Variants in NEK1 observed in about 807,000 individuals in gnomAD.
NEK1 encodes NIMA related kinase 1.
Under a neutral mutation model 182.1 loss-of-function variants are expected in NEK1, and 137 were observed. The observed-to-expected ratio is 0.75, with a 90% CI of 0.65 to 0.87. The LOEUF (loss-of-function observed/expected upper bound fraction) is 0.87, where lower values mean the gene tolerates loss of function less well. Among genes scored for constraint, NEK1 ranks in the 40% least tolerant of loss-of-function variants. NEK1 has a pLI of 0.00. For synonymous variants in NEK1, 513 were observed against 492.2 expected (o/e 1.04, Z -0.56); for missense variants, 1,391 against 1,494.4 (o/e 0.93, Z 1.14).
chr4:169,568,001 C>T (rs1171270284), intron 12 of NEK1, among the ~76,000 whole-genome samples: 2 of 152,144 alleles, frequency 1.3e-5, no homozygotes, highest in African/African-American at 4.8e-5. Flanking sequence ...TTACTTGATT[C>T]TGTCAGCCAT....
intron 31 of NEK1, among the ~76,000 whole-genome samples, chr4:169,418,475 T>C (rs947566629): frequency 1.3e-5 from 2 of 152,006 alleles, no homozygotes; most frequent in Non-Finnish European, 2.9e-5. Context: ...ACAGAGATGA[T>C]GGAACTCGCA....
At chr4:169,522,105 G>A (rs1379153553) in intron 19 of NEK1, among the ~76,000 whole-genome samples, 1 of 152,120 alleles carries the variant, frequency 6.6e-6, no homozygotes, top group African/African-American at 2.4e-5. Flanking sequence ...GAACTGGTAT[G>A]TCTTCAAGTT....
intron 19 of NEK1, among the ~76,000 whole-genome samples, chr4:169,524,461 C>CAAAAAAAAAAAAAA (rs953408098): frequency 2.0e-5 from 1 of 50,598 alleles, no homozygotes; most frequent in Non-Finnish European, 5.0e-5. Context: ...AATTCCATCT[C>CAAAAAAAAAAAAAA]AAAAAAAAAA....
At chr4:169,561,375 G>C in intron 16 of NEK1, 105 bp downstream of exon 16, 1 of 938,694 alleles carries the variant, frequency 1.1e-6, no homozygotes, top group Non-Finnish European at 1.7e-6. Flanking sequence ...AAAATTAATT[G>C]TACACTAAAG....
intron 23 of NEK1, among the ~76,000 whole-genome samples, chr4:169,487,189 A>G (rs145031514): frequency 3.9e-5 from 6 of 152,240 alleles, no homozygotes; most frequent in African/African-American, 9.6e-5. Flanking sequence ...TCCAGGGTAC[A>G]TGTGCAGAAT....
At chr4:169,484,017 T>A (rs898247797) in intron 23 of NEK1, among the ~76,000 whole-genome samples, 11 of 152,204 alleles carry the variant, frequency 7.2e-5, no homozygotes, top group African/African-American at 2.7e-4. Flanking sequence ...TAAGGTTTCA[T>A]ACACTGAGAG....
intron 12 of NEK1, among the ~76,000 whole-genome samples, chr4:169,570,260 C>T (rs1442026755): frequency 5.3e-5 from 8 of 151,950 alleles, no homozygotes; most frequent in Admixed American, 2.6e-4. Flanking sequence ...GCCTGGCAAC[C>T]GCCCCATCTG....
intron 12 of NEK1, among the ~76,000 whole-genome samples, chr4:169,569,477 T>TCCCTCTCTCCCTCTCC (rs1764288376): frequency 2.1e-5 from 2 of 94,002 alleles, no homozygotes; most frequent in African/African-American, 4.2e-5. Flanking sequence ...CCTCCCTCTC[T>TCCCTCTCTCCCTCTCC]CCCTCTCTCC....
intron 12 of NEK1, among the ~76,000 whole-genome samples, chr4:169,574,611 G>GAA (rs1235699069): frequency 4.3e-5 from 3 of 69,138 alleles, no homozygotes; most frequent in Non-Finnish European, 6.4e-5. Context: ...CACCTCAAAA[G>GAA]AAAAAAAAAA....
Position 169,426,066 on chromosome 4 carries a change from A to G in NEK1, c.2974+80T>C, listed in dbSNP as rs1736332354. 3.8e-5 allele frequency: 39 copies of G among 1,013,460 alleles called. No homozygotes were observed. In the South Asian group the frequency reaches 4.7e-4, roughly 12 times the overall value. The allele number at this position is 1,013,460 out of a possible 1,614,324, so 62.8% of individuals were successfully genotyped here. On this transcript the variant is annotated intron_variant, in intron 30 of 35. Coordinates refer to ENST00000507142, the MANE Select transcript of NEK1 (RefSeq NM_001199397.3). The stretch of plus-strand genomic sequence containing the variant: ...ATAAGGAATGCTTTCTTATTTATAT[A>G]TTACCCAAATAAAACAGGTTGATGT...
chr4:169,395,052 T>A (rs1730459246), intron 35 of NEK1, among the ~76,000 whole-genome samples: 1 of 152,214 alleles, frequency 6.6e-6, no homozygotes, highest in Non-Finnish European at 1.5e-5. Context: ...GTATTCTGTT[T>A]AATGGATATG....
At chr4:169,543,568 A>G (rs180993447) in intron 18 of NEK1, among the ~76,000 whole-genome samples, 1 of 152,314 alleles carries the variant, frequency 6.6e-6, no homozygotes, top group Non-Finnish European at 1.5e-5. Flanking sequence ...TCTATAAATT[A>G]CTTTGGGCAG....
chr4:169,573,084 T>A (rs777923939), intron 12 of NEK1, among the ~76,000 whole-genome samples: 30 of 152,212 alleles, frequency 2.0e-4, no homozygotes, highest in Non-Finnish European at 3.8e-4. Flanking sequence ...ACTATAATGA[T>A]GCAGGAGAGA....
chr4:169,435,049 G>A (rs745380484), intron 28 of NEK1, among the ~76,000 whole-genome samples: 2 of 152,064 alleles, frequency 1.3e-5, no homozygotes. Context: ...TAAAGAAAAG[G>A]CATAAGATAC....
intron 31 of NEK1, among the ~76,000 whole-genome samples, chr4:169,420,519 C>T (rs1735308112): frequency 6.6e-6 from 1 of 152,162 alleles, no homozygotes; most frequent in South Asian, 2.1e-4. Flanking sequence ...TAATGCACTA[C>T]ACTGTGACAC....
chr4:169,592,853 C>T (rs188318603), intron 5 of NEK1, among the ~76,000 whole-genome samples: 2 of 152,154 alleles, frequency 1.3e-5, no homozygotes, highest in East Asian at 3.9e-4. Context: ...AAGGAATATA[C>T]TCACAAATAC....
At chr4:169,403,433 G>C (rs1020291637) in intron 32 of NEK1, among the ~76,000 whole-genome samples, 13 of 152,040 alleles carry the variant, frequency 8.6e-5, no homozygotes, top group Admixed American at 3.3e-4. Context: ...AGCTAGGCGT[G>C]GTGGCACGAG....
chr4:169,557,353 C>T (rs369167203), intron 16 of NEK1, among the ~76,000 whole-genome samples: 26 of 150,970 alleles, frequency 1.7e-4, no homozygotes, highest in Admixed American at 1.3e-4. Context: ...ATAGAGATGT[C>T]AGAAAAGGAT....
At chr4:169,456,364 ATGAG>A (rs1300161070) in intron 27 of NEK1, among the ~76,000 whole-genome samples, 1 of 152,154 alleles carries the variant, frequency 6.6e-6, no homozygotes, top group Non-Finnish European at 1.5e-5. Context: ...AATAATAAAG[ATGAG>A]TGCAGAAATA....
Sources: allele counts gnomAD v4.1 joint callset (sites outside exome capture counted in the v4.1 genomes callset), GRCh38; gene constraint gnomAD v4.1.1; transcripts MANE v1.5; gene names NCBI Gene and HGNC (gene_info 2026-07-23, HGNC 2026-07-21).